Variants in CC2D1A observed in about 807,000 individuals in gnomAD.
CC2D1A encodes the protein coiled-coil and C2 domain containing 1A, also known as coiled-coil and C2 domain-containing protein 1A.
In CC2D1A, 68 loss-of-function variants were observed where a neutral mutation model predicts 123.8. The observed-to-expected ratio is 0.55, with a 90% CI of 0.45 to 0.67. The LOEUF (loss-of-function observed/expected upper bound fraction) is 0.67, where lower values mean the gene tolerates loss of function less well. CC2D1A is among the 30% of genes least tolerant of loss of function. The pLI is 0.00. For missense variants in CC2D1A, 1,185 were observed against 1,290.3 expected, an observed-to-expected ratio of 0.92 and a Z score of 1.25; for synonymous variants, 477 against 528.0, an observed-to-expected ratio of 0.90 and a Z score of 1.32.
In CC2D1A at chr19:13,913,293, G is replaced by C; in HGVS notation, c.504G>C (p.Arg168=). Residue 168 remains arginine, a synonymous_variant, in exon 5 of 29, where the codon CGG becomes CGC. Coordinates refer to ENST00000318003, the MANE Select transcript of CC2D1A (RefSeq NM_017721.5). Reference sequence around the variant, plus strand: ...GCGCCAAGATGCGGCGCTACGATCGGGGGCTTAAAGTAAGTGGGCAGAGGG... The same window carrying C: ...GCGCCAAGATGCGGCGCTACGATCGCGGGCTTAAAGTAAGTGGGCAGAGGG... ...GDSAKMRRYD[R]GLKTLENLLA... is the part of the protein sequence containing the mutation. 2 of 1,612,366 alleles carry C rather than the reference G, an allele frequency of 1.2e-6. No individual in the cohort carries two copies. Among genetic ancestry groups the C allele is most frequent in the Non-Finnish European group, 1.7e-6 (2 of 1,179,190 alleles).
At chr19:13,926,465 G>A in intron 17 of CC2D1A, 52 bp from the exon 18 acceptor site, 1 of 1,558,830 alleles carries the variant, frequency 6.4e-7, no homozygotes. Context: ...CAGTGGGACT[G>A]AGGTGCCTCT....
Position 13,926,715 on chromosome 19 carries a change from A to G in CC2D1A, c.2063A>G (p.Tyr688Cys), listed in dbSNP as rs1971656338. Residue 688 changes from tyrosine (Y) to cysteine (C), a missense_variant, in exon 19 of 29, where the codon TAT (tyrosine) becomes TGT (cysteine). Transcript: ENST00000318003. ...GTCTTTGTTCGGTTTGACTTCCCCT[A>G]TCCCAACGTGGTACGTGGGGAGCTG... is the stretch of plus-strand genomic sequence containing the variant. ...LDVFVRFDFP[Y>C]PNVEEAQKDK... The G allele has an allele frequency of 6.2e-7, 1 of 1,613,874 alleles. No homozygotes were observed. The highest frequency in any genetic ancestry group is 8.5e-7 in the Non-Finnish European group (1 of 1,179,976).
rs746324930 is a variant in CC2D1A, at chr19:13,918,619, A to C, written c.946+43A>C. The C allele has an allele frequency of 1.9e-6, 3 of 1,603,328 alleles. No homozygotes were observed. In the Admixed American group the frequency reaches 5.1e-5, roughly 27 times the overall value. ...CCCACTCTCTGGGATGGTTTCAGGC[A>C]TACACTAAGTTCTCCTTGATGCTGC... On this transcript the variant is annotated intron_variant, in intron 8 of 28. Coordinates refer to ENST00000318003, the MANE Select transcript of CC2D1A (RefSeq NM_017721.5).
intron 22 of CC2D1A, chr19:13,927,594 T>C (rs1015959978): frequency 1.1e-5 from 5 of 451,256 alleles, no homozygotes; most frequent in African/African-American, 5.9e-5. Flanking sequence ...CTGGCTAACA[T>C]GGTGAAACCC....
chr19:13,912,075 G>A (rs559384854), intron 2 of CC2D1A, among the ~76,000 whole-genome samples: 11 of 151,928 alleles, frequency 7.2e-5, no homozygotes, highest in African/African-American at 1.4e-4. Context: ...GGTCTTGAAC[G>A]CCTGACTTCA....
At chr19:13,918,039 G>A (rs756553801) in intron 6 of CC2D1A, 31 bp from the exon 7 acceptor site, 6 of 1,611,102 alleles carry the variant, frequency 3.7e-6, no homozygotes, top group Non-Finnish European at 5.1e-6. Context: ...CCAGGCCCTG[G>A]AGGCTTCCTG....
Position 13,920,881 on chromosome 19 carries a change from C to T in CC2D1A, c.1600C>T (p.Leu534=), listed in dbSNP as rs1971391065. Reference sequence around the variant, plus strand: ...CCAAGCCAAGGGACTGGAGCCTATGCTGGAGGCCTCGCGCAATGGGCTGCC... The same window carrying T: ...CCAAGCCAAGGGACTGGAGCCTATGTTGGAGGCCTCGCGCAATGGGCTGCC... ...LRQAKGLEPM[L]EASRNGLPVD... The change falls in exon 14 of 29, where the codon CTG becomes TTG. Residue 534 remains leucine, a synonymous_variant. Transcript: ENST00000318003. 1 of 1,614,038 alleles carries T rather than the reference C, an allele frequency of 6.2e-7. No individual in the cohort carries two copies.
rs753863476 is a variant in CC2D1A, at chr19:13,918,546, G to A, written c.916G>A (p.Val306Met). The change falls in exon 8 of 29, where the codon GTG (valine) becomes ATG (methionine). Residue 306 changes from valine (V) to methionine (M), a missense_variant. Val to Met is a conservative substitution (Grantham distance 21, BLOSUM62 1). Transcript: ENST00000318003. ...VLEALSRGEP[V>M]DLSCLPPPPD... ...GGAGGCCCTGAGCCGGGGTGAGCCC[G>A]TGGACCTCTCCTGCCTGCCCCCTCC... 22 of 1,613,604 alleles carry A rather than the reference G, an allele frequency of 1.4e-5. No individual in the cohort carries two copies. Among genetic ancestry groups the A allele is most frequent in the Non-Finnish European group, 1.7e-5 (20 of 1,179,962 alleles).
intron 6 of CC2D1A, among the ~76,000 whole-genome samples, 168 bp from the exon 7 acceptor site, chr19:13,917,902 C>A (rs1003307467): frequency 3.3e-5 from 5 of 151,998 alleles, no homozygotes; most frequent in African/African-American, 1.2e-4. Context: ...ACCCAGGAGG[C>A]GGAAGTTGCA....
intron 22 of CC2D1A, 139 bp downstream of exon 22, chr19:13,927,404 C>T (rs1971682066): frequency 7.5e-6 from 5 of 670,010 alleles, no homozygotes; most frequent in African/African-American, 3.6e-5. Flanking sequence ...GACCTCCCTA[C>T]TGCCCAGCCC....
At chr19:13,909,752 T>G in intron 1 of CC2D1A, 71 bp from the exon 2 acceptor site, 1 of 1,600,872 alleles carries the variant, frequency 6.2e-7, no homozygotes, top group Admixed American at 1.7e-5. Flanking sequence ...AAGGGGACTC[T>G]CTGGCCATCA....
At position 13,926,722 on chromosome 19, in the gene CC2D1A, C is replaced by A; in HGVS notation, c.2070C>A (p.Asn690Lys). 6.2e-7 allele frequency: 1 copy of A among 1,614,132 alleles called. No homozygotes were observed. The highest frequency in any genetic ancestry group is 1.1e-5 in the South Asian group (1 of 91,086). The part of the protein sequence containing the change: ...VFVRFDFPYP[N>K]VEEAQKDKTS... ...TTCGGTTTGACTTCCCCTATCCCAA[C>A]GTGGTACGTGGGGAGCTGAGGAGGG... The change falls in exon 19 of 29, where the codon AAC (asparagine) becomes AAA (lysine). Residue 690 changes from asparagine (N) to lysine (K), a missense_variant. Physicochemically the swap from Asn to Lys is moderately conservative, Grantham distance 94. Transcript: ENST00000318003.
chr19:13,909,723 A>C, intron 1 of CC2D1A, 100 bp from the exon 2 acceptor site: 1 of 1,479,318 alleles, frequency 6.8e-7, no homozygotes, highest in Non-Finnish European at 9.4e-7. Flanking sequence ...TCCCTGGGAG[A>C]CCTTGTTTCC....
At chr19:13,917,800 G>A (rs887299639) in intron 6 of CC2D1A, among the ~76,000 whole-genome samples, 2 of 152,138 alleles carry the variant, frequency 1.3e-5, no homozygotes, top group East Asian at 1.9e-4. Flanking sequence ...CCAACACGGC[G>A]AAACCCTGTC....
intron 17 of CC2D1A, among the ~76,000 whole-genome samples, chr19:13,926,001 T>C (rs1456088158): frequency 1.7e-5 from 2 of 118,748 alleles, no homozygotes; most frequent in East Asian, 2.0e-4. Context: ...TATATGTGTG[T>C]ATATATATAT....
In CC2D1A at chr19:13,925,362, C is replaced by G. The variant is rs565480041; in HGVS notation, c.1941-1155C>G. ...TTGGGAGGCTGAGGTGGGTGGATCA[C>G]GAGGTCAGGAGATCGAGACCATTCT... On this transcript the variant is annotated intron_variant, in intron 17 of 28. Transcript: ENST00000318003. Among the ~76,000 whole-genome samples, 13 of 152,158 alleles carry G rather than the reference C, an allele frequency of 8.5e-5. No homozygotes were observed. In the East Asian group the frequency reaches 2.1e-3, roughly 25 times the overall value.
Position 13,919,831 on chromosome 19 carries a change from C to G in CC2D1A, c.1236C>G (p.Ile412Met), listed in dbSNP as rs774392241. 5.0e-6 allele frequency: 8 copies of G among 1,604,172 alleles called. No homozygotes were observed. Among genetic ancestry groups the G allele is most frequent in the Non-Finnish European group, 6.0e-6 (7 of 1,173,654 alleles). ...CTGGCCACCCAGGCTTCCCCCCAAT[C>G]CAGGGCCTGGAGGCCACCAAGCCCA... ...ELPVPPGFPP[I>M]QGLEATKPTQ... The change falls in exon 12 of 29, where the codon ATC (isoleucine) becomes ATG (methionine). Residue 412 changes from isoleucine (I) to methionine (M), a missense_variant. Transcript: ENST00000318003.
At position 13,926,574 on chromosome 19, in the gene CC2D1A, C is replaced by G. The variant is rs1971648498; in HGVS notation, c.1998C>G (p.Asn666Lys). 3 of 1,614,042 alleles carry G rather than the reference C, an allele frequency of 1.9e-6. No homozygotes were observed. Among genetic ancestry groups the G allele is most frequent in the Admixed American group, 3.3e-5 (2 of 59,996 alleles). The change falls in exon 18 of 29, where the codon AAC (asparagine) becomes AAG (lysine). Residue 666 changes from asparagine (N) to lysine (K), a missense_variant. Asn to Lys is a moderately conservative substitution (Grantham distance 94). Coordinates refer to ENST00000318003, the MANE Select transcript of CC2D1A (RefSeq NM_017721.5). ...DMLLFIVKGI[N>K]LPTPPGLSPG... The stretch of plus-strand genomic sequence containing the variant: ...TCCTCTTCATCGTGAAGGGCATCAA[C>G]TTGCCCACACCCCCAGGTGAGGGGG...
At position 13,918,905 on chromosome 19, in the gene CC2D1A, G is replaced by A. The variant is rs1056103923; in HGVS notation, c.1019-7G>A. The A allele has an allele frequency of 1.9e-6, 3 of 1,608,076 alleles. No homozygotes were observed. The highest frequency in any genetic ancestry group is 2.6e-6 in the Non-Finnish European group (3 of 1,176,408). On this transcript the variant is annotated splice_polypyrimidine_tract_variant and splice_region_variant and intron_variant, in intron 9 of 28. Transcript: ENST00000318003. Reference sequence around the variant, plus strand: ...GACTCTTAACCTTGTCCCCCTGTCCGGCCCAGAGGTGCCCCCACCCCCGAG... The same window carrying A: ...GACTCTTAACCTTGTCCCCCTGTCCAGCCCAGAGGTGCCCCCACCCCCGAG...
Sources: allele counts gnomAD v4.1 joint callset (sites outside exome capture counted in the v4.1 genomes callset), GRCh38; gene constraint gnomAD v4.1.1; transcripts MANE v1.5; gene names NCBI Gene and HGNC (gene_info 2026-07-23, HGNC 2026-07-21).